PCDHGA2: variants seen among roughly 807,000 people sequenced by gnomAD.
PCDHGA2 encodes protocadherin gamma-A2.
Under a neutral mutation model 59.2 loss-of-function variants are expected in PCDHGA2, and 40 were observed. The observed-to-expected ratio is 0.68, with a 90% confidence interval of 0.52 to 0.88. The LOEUF (loss-of-function observed/expected upper bound fraction) is 0.88. PCDHGA2 is among the 40% of genes least tolerant of loss of function. PCDHGA2 has a pLI of 0.00. For synonymous variants in PCDHGA2, 560 were observed against 526.0 expected, an observed-to-expected ratio of 1.06 and a Z score of -0.89; for missense variants, 1,226 against 1,204.0, an observed-to-expected ratio of 1.02 and a Z score of -0.27.
Position 141,340,916 on chromosome 5 carries a change from C to T in PCDHGA2, c.1945C>T (p.His649Tyr), listed in dbSNP as rs1472380192. Residue 649 changes from histidine (H) to tyrosine (Y), a missense_variant, in exon 1 of 4, where the codon CAC (histidine) becomes TAC (tyrosine). Coordinates refer to ENST00000394576, the MANE Select transcript of PCDHGA2 (RefSeq NM_018915.4). ...KQSLVVAIQD[H>Y]GQPPLSATVT... ...GAGCCTCGTGGTGGCCATCCAGGAC[C>T]ACGGCCAGCCCCCTCTCTCCGCCAC... 6.2e-7 allele frequency: 1 copy of T among 1,613,782 alleles called. No individual in the cohort carries two copies. The highest frequency in any genetic ancestry group is 1.1e-5 in the South Asian group (1 of 91,048).
chr5:141,391,570 A>G (rs931571256), intron 1 of PCDHGA2: 4 of 152,236 alleles, frequency 2.6e-5, no homozygotes, highest in African/African-American at 7.2e-5. Context: ...TGCATAAGAA[A>G]ATATATTCAC....
At chr5:141,386,456 G>T (rs2090582697) in intron 1 of PCDHGA2, among the ~76,000 whole-genome samples, 1 of 152,278 alleles carries the variant, frequency 6.6e-6, no homozygotes, top group East Asian at 1.9e-4. Flanking sequence ...CAAGAGGACA[G>T]CTTGAACCCA....
chr5:141,355,534 G>A (rs1759890654), intron 1 of PCDHGA2: 2 of 1,613,944 alleles, frequency 1.2e-6, no homozygotes, highest in Non-Finnish European at 1.7e-6. Flanking sequence ...TCTTCTAGAA[G>A]ATACAGTGAA....
At chr5:141,351,925 G>C (rs763243982) in intron 1 of PCDHGA2, 5 of 1,613,306 alleles carry the variant, frequency 3.1e-6, no homozygotes, top group Non-Finnish European at 4.2e-6. Context: ...ATGACAATGC[G>C]CCACGGGTGC....
rs766164142 is a variant in PCDHGA2, at chr5:141,477,910, G to T, written c.2425-16897G>T. ...TGTCACGGGTGGTAGGCTGGGACGC[G>T]GATGCAGGGCACAATGCCTGGCTCT... On this transcript the variant is annotated intron_variant, in intron 1 of 3. Transcript: ENST00000394576. This position sits in a 1 kb window ranked among gnomAD's most constrained non-coding sequence, Gnocchi z 4.9. The T allele has an allele frequency of 6.2e-7, 1 of 1,614,048 alleles. No individual in the cohort carries two copies. Among genetic ancestry groups the T allele is most frequent in the African/African-American group, 1.3e-5 (1 of 74,932 alleles).
At chr5:141,428,169 G>T (rs758370904) in intron 1 of PCDHGA2, 5 of 1,539,960 alleles carry the variant, frequency 3.2e-6, no homozygotes, top group South Asian at 2.2e-5. Context: ...GTTGCTGTGC[G>T]TGACGGAGGA....
intron 1 of PCDHGA2, chr5:141,344,075 C>T (rs1168274705): frequency 6.2e-6 from 10 of 1,608,968 alleles, no homozygotes; most frequent in Non-Finnish European, 8.5e-6. Context: ...GAGGACTGGC[C>T]CTGCTGTGCG....
At position 141,485,683 on chromosome 5, in the gene PCDHGA2, T is replaced by C. The variant is rs2099617681; in HGVS notation, c.2425-9124T>C. ...TGGGGAGCAATTCGATTAGCAGCTA[T>C]AGGCTGAGCTCCAATGAACACTTTG... On this transcript the variant is annotated intron_variant, in intron 1 of 3. Coordinates refer to ENST00000394576, the MANE Select transcript of PCDHGA2 (RefSeq NM_018915.4). This position sits in a 1 kb window ranked among gnomAD's most constrained non-coding sequence, Gnocchi z 5.7. 3.7e-6 allele frequency: 6 copies of C among 1,614,042 alleles called. No individual in the cohort carries two copies. The South Asian group carries it at 4.4e-5, about 12-fold the overall frequency.
At chr5:141,422,090 A>T (rs762413085) in intron 1 of PCDHGA2, 1 of 1,611,852 alleles carries the variant, frequency 6.2e-7, no homozygotes, top group East Asian at 2.2e-5. Context: ...ATGGAAAGCA[A>T]GGCTTCTGAA....
chr5:141,348,930 T>C (rs945708240), intron 1 of PCDHGA2, among the ~76,000 whole-genome samples: 3 of 152,238 alleles, frequency 2.0e-5, no homozygotes, highest in Non-Finnish European at 2.9e-5. Context: ...GAACCAAGAC[T>C]GGTTCTAAGC....
intron 1 of PCDHGA2, chr5:141,402,800 C>A: frequency 9.3e-7 from 1 of 1,072,728 alleles, no homozygotes; most frequent in Non-Finnish European, 1.3e-6. Flanking sequence ...ACACAAAACC[C>A]GGCAGATACC....
chr5:141,444,524 A>G (rs563709940), intron 1 of PCDHGA2, among the ~76,000 whole-genome samples: 47 of 152,224 alleles, frequency 3.1e-4, no homozygotes, highest in African/African-American at 1.1e-3. Context: ...AGTAGGTGAG[A>G]CAGTGACTGT....
In PCDHGA2 at chr5:141,512,249, T is replaced by A. The variant is rs1159090773; in HGVS notation, c.*1076T>A. 6.6e-6 allele frequency: 1 copy of A among 152,598 alleles called. No individual in the cohort carries two copies. The allele number at this position is 152,598 out of a possible 1,614,324, so 9.5% of individuals were successfully genotyped here. On this transcript the variant is annotated 3_prime_UTR_variant, in exon 4 of 4. Coordinates refer to ENST00000394576, the MANE Select transcript of PCDHGA2 (RefSeq NM_018915.4). Reference sequence around the variant, plus strand: ...CCTTGAGAGGTCAGAGGGGCCTCTGTGGGTGCTGGGTACTCCAGAGGTGCC... The same window carrying A: ...CCTTGAGAGGTCAGAGGGGCCTCTGAGGGTGCTGGGTACTCCAGAGGTGCC...
chr5:141,491,571 C>G lies in PCDHGA2; in HGVS notation c.2425-3236C>G. The G allele has an allele frequency of 6.2e-7, 1 of 1,614,026 alleles. No individual in the cohort carries two copies. The highest frequency in any genetic ancestry group is 8.5e-7 in the Non-Finnish European group (1 of 1,180,042). ...CGCAGAGCCACTGCTACAGGACGTG[C>G]TTTTCACCGGCCTCGGACGGCAGTG... On this transcript the variant is annotated intron_variant, in intron 1 of 3. Transcript: ENST00000394576. This position sits in a 1 kb window ranked among gnomAD's most constrained non-coding sequence, Gnocchi z 6.9.
chr5:141,352,730 C>T, intron 1 of PCDHGA2: 1 of 1,518,416 alleles, frequency 6.6e-7, no homozygotes, highest in Non-Finnish European at 8.9e-7. Flanking sequence ...TGGCTCAAGC[C>T]TGTAATCCCA....
chr5:141,448,044 C>T (rs2098559539), intron 1 of PCDHGA2, among the ~76,000 whole-genome samples: 1 of 151,942 alleles, frequency 6.6e-6, no homozygotes, highest in African/African-American at 2.4e-5. Context: ...CAAGATCATG[C>T]CATTGCTCTC....
chr5:141,406,796 T>C (rs1010773625), intron 1 of PCDHGA2, among the ~76,000 whole-genome samples: 7 of 152,362 alleles, frequency 4.6e-5, no homozygotes, highest in Admixed American at 1.3e-4. Flanking sequence ...TATTTCTGGC[T>C]CAATTCTCCA....
At chr5:141,440,593 T>C (rs1456640262) in intron 1 of PCDHGA2, 1 of 152,202 alleles carries the variant, frequency 6.6e-6, no homozygotes, top group African/African-American at 2.4e-5. Context: ...TGGAACAAGA[T>C]TTGCAACAGA....
intron 1 of PCDHGA2, among the ~76,000 whole-genome samples, chr5:141,494,469 C>T (rs2099754623): frequency 6.6e-6 from 1 of 152,114 alleles, no homozygotes; most frequent in Non-Finnish European, 1.5e-5. Flanking sequence ...GCACCTCTTC[C>T]CCCAGTTCCA....
Sources: gnomAD v4.1 joint callset for allele counts (sites outside exome capture counted in the v4.1 genomes callset) on GRCh38, gnomAD v4.1.1 for gene constraint, Gnocchi (gnomAD v3.1) non-coding constraint, MANE v1.5 for transcripts, NCBI Gene and HGNC (gene_info 2026-07-23, HGNC 2026-07-21) for gene names.